FAT3: variants seen among roughly 807,000 people sequenced by gnomAD.
FAT3 encodes FAT atypical cadherin 3.
Under a neutral mutation model 310.2 loss-of-function variants are expected in FAT3, and 95 were observed. The observed-to-expected ratio is 0.31, with a 90% CI of 0.26 to 0.36. The LOEUF (loss-of-function observed/expected upper bound fraction) is 0.36. Among genes scored for constraint, FAT3 ranks in the 10% least tolerant of loss-of-function variants. FAT3 has a pLI of 1.00. For synonymous variants in FAT3, 2,314 were observed against 2,192.9 expected, an observed-to-expected ratio of 1.06 and a Z score of -1.54; for missense variants, 5,408 against 5,715.6, an observed-to-expected ratio of 0.95 and a Z score of 1.74.
At chr11:92,431,624 C>G (rs1215523375) in intron 2 of FAT3, among the ~76,000 whole-genome samples, 3 of 152,080 alleles carry the variant, frequency 2.0e-5, no homozygotes, top group Non-Finnish European at 4.4e-5. Context: ...AGGTTTTCTT[C>G]TAGGGTTTTT....
intron 1 of FAT3, among the ~76,000 whole-genome samples, chr11:92,261,749 A>T (rs1865563917): frequency 6.6e-6 from 1 of 152,082 alleles, no homozygotes; most frequent in Admixed American, 6.6e-5. Flanking sequence ...TTATTTTAAA[A>T]ATCAGAATAA....
chr11:92,764,250 T>A (rs1017614122), intron 5 of FAT3, among the ~76,000 whole-genome samples: 18 of 152,104 alleles, frequency 1.2e-4, no homozygotes, highest in Non-Finnish European at 2.4e-4. Flanking sequence ...GAGAGAGTTC[T>A]CTGTTACCTT....
intron 1 of FAT3, among the ~76,000 whole-genome samples, chr11:92,331,305 T>A (rs1308929477): frequency 6.6e-6 from 1 of 150,884 alleles, no homozygotes; most frequent in African/African-American, 2.5e-5. Flanking sequence ...TTTTTCAAAA[T>A]GAGAGTTTCA....
intron 1 of FAT3, among the ~76,000 whole-genome samples, chr11:92,245,871 G>T (rs1449531328): frequency 6.6e-6 from 1 of 152,160 alleles, no homozygotes; most frequent in Non-Finnish European, 1.5e-5. Flanking sequence ...GAAATGGGCA[G>T]AGGAAAAGGA....
rs1257691678 is a variant in FAT3 at position 92,353,274 on chromosome 11, T to G, written c.1162T>G (p.Phe388Val). The G allele has an allele frequency of 6.2e-7, 1 of 1,613,682 alleles. No homozygotes were observed. The highest frequency in any genetic ancestry group is 1.1e-5 in the South Asian group (1 of 91,028). The part of the protein sequence containing the change: ...KEVYDVSISE[F>V]SPPGVVVAIV... Reference sequence around the variant, plus strand: ...AGTGTACGATGTGAGCATAAGTGAATTTTCCCCTCCTGGTGTCGTGGTTGC... The same window carrying G: ...AGTGTACGATGTGAGCATAAGTGAAGTTTCCCCTCCTGGTGTCGTGGTTGC... Residue 388 changes from phenylalanine to valine, a missense_variant, in exon 2 of 28, where the codon TTT becomes GTT. Coordinates refer to ENST00000525166, the MANE Select transcript of FAT3 (RefSeq NM_001367949.2).
chr11:92,526,062 A>G (rs1043402036), intron 3 of FAT3, among the ~76,000 whole-genome samples: 2 of 152,166 alleles, frequency 1.3e-5, no homozygotes, highest in African/African-American at 4.8e-5. Context: ...CTTGTATTTT[A>G]TTGTAAGACA....
chr11:92,391,238 C>T (rs1004769223), intron 2 of FAT3, among the ~76,000 whole-genome samples: 4 of 152,132 alleles, frequency 2.6e-5, no homozygotes, highest in Admixed American at 6.6e-5. Flanking sequence ...AATGCCAGAG[C>T]CCAGAGTGGA....
chr11:92,311,049 T>TACACACACATATATGTGTACATATAC (rs1565217700), intron 1 of FAT3, among the ~76,000 whole-genome samples: 4 of 151,870 alleles, frequency 2.6e-5, no homozygotes, highest in Admixed American at 2.6e-4. Flanking sequence ...CACATATATA[T>TACACACACATATATGTGTACATATAC]ACACACACAT....
At position 92,697,288 on chromosome 11, in the gene FAT3, C is replaced by T. The variant is rs1176115009; in HGVS notation, c.3608-96C>T. On this transcript the variant is annotated intron_variant, in intron 3 of 27. Transcript: ENST00000525166. Reference sequence around the variant, plus strand: ...GGATTGGAAAGTTACAGTTCCATACCACTTTTGCTTTTCCTTTAACTGGAC... The same window carrying T: ...GGATTGGAAAGTTACAGTTCCATACTACTTTTGCTTTTCCTTTAACTGGAC... 4.1e-6 allele frequency: 4 copies of T among 974,686 alleles called. No individual in the cohort carries two copies. The African/African-American group carries it at 4.8e-5, about 12-fold the overall frequency. 60.4% of individuals were successfully genotyped at this position (974,686 alleles called of 1,614,324 possible). A position where few individuals can be genotyped will look rare whatever the true frequency, so the allele number is the denominator to read the frequency against.
rs1486268135 is a variant in FAT3, at chr11:92,432,756, A to G, written c.3292+77352A>G. On this transcript the variant is annotated intron_variant, in intron 2 of 27. Coordinates refer to ENST00000525166, the MANE Select transcript of FAT3 (RefSeq NM_001367949.2). ...AGGAGGCAGCCTGTCCCTTAGCTCG[A>G]GCACTGTGCTGGGAGATCTGCTGCC... 2.0e-5 allele frequency among the ~76,000 whole-genome samples: 3 copies of G among 152,164 alleles called. No individual in the cohort carries two copies. In the East Asian group the frequency reaches 5.8e-4, roughly 29 times the overall value.
At chr11:92,579,166 A>G (rs1938651190) in intron 3 of FAT3, among the ~76,000 whole-genome samples, 1 of 152,100 alleles carries the variant, frequency 6.6e-6, no homozygotes, top group African/African-American at 2.4e-5. Flanking sequence ...GGATCCTACA[A>G]CAAATGAAAT....
intron 22 of FAT3, among the ~76,000 whole-genome samples, chr11:92,874,255 CTTTA>C (rs1419450798): frequency 2.6e-5 from 4 of 152,108 alleles, no homozygotes; most frequent in Admixed American, 1.3e-4. Context: ...ATTTTGTTCA[CTTTA>C]TTTGTGTTTT....
intron 2 of FAT3, among the ~76,000 whole-genome samples, chr11:92,369,395 G>A (rs1381333884): frequency 6.6e-6 from 1 of 152,192 alleles, no homozygotes; most frequent in Non-Finnish European, 1.5e-5. Context: ...AAGAAACCTG[G>A]TTAGACCAGG....
chr11:92,372,902 C>T (rs554089748), intron 2 of FAT3, among the ~76,000 whole-genome samples: 15 of 152,202 alleles, frequency 9.9e-5, no homozygotes, highest in East Asian at 3.9e-4. Context: ...CCTTGTGATC[C>T]GCCTGCCTCA....
intron 2 of FAT3, among the ~76,000 whole-genome samples, chr11:92,384,824 G>A (rs1949581064): frequency 6.6e-6 from 1 of 152,240 alleles, no homozygotes; most frequent in African/African-American, 2.4e-5. Flanking sequence ...GGAAGAAGGA[G>A]TGGGGCTCCT....
At chr11:92,818,650 A>G (rs757692466) in intron 13 of FAT3, among the ~76,000 whole-genome samples, 2 of 152,290 alleles carry the variant, frequency 1.3e-5, no homozygotes, top group South Asian at 4.1e-4. Context: ...GAAAGCTCTG[A>G]TGATTAGTGA....
At chr11:92,647,488 AT>A (rs921219899) in intron 3 of FAT3, among the ~76,000 whole-genome samples, 1 of 152,206 alleles carries the variant, frequency 6.6e-6, no homozygotes, top group Non-Finnish European at 1.5e-5. Context: ...ATTACATAGT[AT>A]TTTAAACTGA....
At chr11:92,875,486 G>A (rs1195819084) in intron 22 of FAT3, among the ~76,000 whole-genome samples, 1 of 150,930 alleles carries the variant, frequency 6.6e-6, no homozygotes, top group African/African-American at 2.4e-5. Flanking sequence ...CTCTTCTATA[G>A]CGTGCTTCTA....
intron 22 of FAT3, among the ~76,000 whole-genome samples, chr11:92,872,064 C>T (rs1949406525): frequency 6.6e-6 from 1 of 152,108 alleles, no homozygotes; most frequent in Non-Finnish European, 1.5e-5. Context: ...TAGTGTCTGC[C>T]ACTCCCTCTA....
Sources: gnomAD v4.1 joint callset for allele counts (sites outside exome capture counted in the v4.1 genomes callset) on GRCh38, gnomAD v4.1.1 for gene constraint, MANE v1.5 for transcripts, NCBI Gene and HGNC (gene_info 2026-07-23, HGNC 2026-07-21) for gene names.